CKAP5: variants seen among roughly 807,000 people sequenced by gnomAD.
CKAP5 encodes the protein cytoskeleton associated protein 5.
In CKAP5, 27 loss-of-function variants were observed where a neutral mutation model predicts 232.8. That is an observed-to-expected ratio of 0.12 (90% CI 0.09 to 0.16). The LOEUF (loss-of-function observed/expected upper bound fraction) is 0.16. Ranked by LOEUF, CKAP5 falls within the 10% of genes least tolerant of loss-of-function variation. CKAP5 has a pLI of 1.00. For missense variants in CKAP5, 1,838 were observed against 2,424.7 expected, an observed-to-expected ratio of 0.76 and a Z score of 5.08; for synonymous variants, 785 against 841.1, an observed-to-expected ratio of 0.93 and a Z score of 1.16.
Position 46,798,070 on chromosome 11 carries a change from G to T in CKAP5, c.1173+13C>A. ...ACTTCAGATAAAACTACAAACTCAT[G>T]CTGTCAACTTACAGTAAGGAAGATT... is the stretch of plus-strand genomic sequence containing the variant. On this transcript the variant is annotated intron_variant, in intron 10 of 43. Coordinates refer to ENST00000529230, the MANE Select transcript of CKAP5 (RefSeq NM_001008938.4). The T allele has an allele frequency of 6.2e-7, 1 of 1,611,418 alleles. No homozygotes were observed. Among genetic ancestry groups the T allele is most frequent in the Non-Finnish European group, 8.5e-7 (1 of 1,178,104 alleles).
chr11:46,802,158 CTAA>C (rs1359704148), intron 8 of CKAP5: 1 of 152,196 alleles, frequency 6.6e-6, no homozygotes, highest in African/African-American at 2.4e-5. Context: ...CTTCAGTCAT[CTAA>C]TAATGGTTAA....
intron 42 of CKAP5, among the ~76,000 whole-genome samples, chr11:46,748,674 C>G (rs2065039912): frequency 6.6e-6 from 1 of 151,938 alleles, no homozygotes; most frequent in African/African-American, 2.4e-5. Context: ...GAGGCTGAGG[C>G]AGGAGAATTG....
intron 5 of CKAP5, 117 bp downstream of exon 5, chr11:46,810,890 T>C (rs890395625): frequency 1.1e-5 from 11 of 980,716 alleles, no homozygotes; most frequent in Non-Finnish European, 1.4e-5. Flanking sequence ...GAAAAGCTGA[T>C]TTCAAAATTA....
At chr11:46,763,387 C>A in intron 29 of CKAP5, 94 bp downstream of exon 29, 1 of 1,175,218 alleles carries the variant, frequency 8.5e-7, no homozygotes, top group South Asian at 1.5e-5. Context: ...ATAGTATATT[C>A]TACTTCCAAG....
At chr11:46,796,096 C>T (rs1363151648) in intron 12 of CKAP5, among the ~76,000 whole-genome samples, 1 of 143,298 alleles carries the variant, frequency 7.0e-6, no homozygotes, top group Non-Finnish European at 1.5e-5. Context: ...ACTCAGAAGG[C>T]AGAGGTTGCA....
chr11:46,821,909 C>G (rs1939543282), intron 1 of CKAP5, among the ~76,000 whole-genome samples: 1 of 151,872 alleles, frequency 6.6e-6, no homozygotes, highest in African/African-American at 2.4e-5. Flanking sequence ...TGTGGTGGTG[C>G]AGGCCTGTAG....
intron 9 of CKAP5, 26 bp from the exon 10 acceptor site, chr11:46,798,198 T>C: frequency 6.8e-7 from 1 of 1,460,848 alleles, no homozygotes. Context: ...GCTAGCACAT[T>C]ATTCAGCAAC....
At chr11:46,801,428 G>C (rs1315174602) in intron 8 of CKAP5, 124 bp from the exon 9 acceptor site, 4 of 654,438 alleles carry the variant, frequency 6.1e-6, no homozygotes, top group Non-Finnish European at 1.1e-5. Context: ...CCAGCACTTT[G>C]GGAGGCCAAG....
chr11:46,834,924 G>A (rs1179990121), intron 1 of CKAP5, among the ~76,000 whole-genome samples: 1 of 151,280 alleles, frequency 6.6e-6, no homozygotes, highest in Non-Finnish European at 1.5e-5. Flanking sequence ...TCCCACCTCT[G>A]CCTCCCAAGT....
intron 15 of CKAP5, among the ~76,000 whole-genome samples, chr11:46,789,435 T>G (rs1373902351): frequency 6.6e-6 from 1 of 152,018 alleles, no homozygotes; most frequent in Non-Finnish European, 1.5e-5. Context: ...GGATGAGGGG[T>G]GGTTTAAGTA....
At chr11:46,813,433 A>T (rs1003763198) in intron 4 of CKAP5, among the ~76,000 whole-genome samples, 2 of 152,178 alleles carry the variant, frequency 1.3e-5, no homozygotes, top group Non-Finnish European at 2.9e-5. Flanking sequence ...GAGCAAGTCC[A>T]CATGGAAAAT....
Position 46,767,677 on chromosome 11 carries a change from A to T in CKAP5, c.3323-14T>A, listed in dbSNP as rs1565725094. ...CTTCAGCAGGTGCTTTGAGGAAAAA[A>T]ATATATATATACTATAAACTTTAAC... On this transcript the variant is annotated splice_polypyrimidine_tract_variant and intron_variant, in intron 26 of 43. Coordinates refer to ENST00000529230, the MANE Select transcript of CKAP5 (RefSeq NM_001008938.4). 2 of 1,524,392 alleles carry T rather than the reference A, an allele frequency of 1.3e-6. No homozygotes were observed. The highest frequency in any genetic ancestry group is 1.4e-5 in the African/African-American group (1 of 72,778). 94.4% of individuals were successfully genotyped at this position (1,524,392 alleles called of 1,614,324 possible).
At chr11:46,824,171 A>G (rs898416257) in intron 1 of CKAP5, among the ~76,000 whole-genome samples, 5 of 152,210 alleles carry the variant, frequency 3.3e-5, no homozygotes, top group African/African-American at 4.8e-5. Context: ...GTTCCCTCCC[A>G]TGGCAAAGAA....
At chr11:46,770,733 T>C (rs538732689) in intron 25 of CKAP5, 55 bp downstream of exon 25, 3 of 1,534,056 alleles carry the variant, frequency 2.0e-6, no homozygotes, top group African/African-American at 2.7e-5. Context: ...CAGGCCCATG[T>C]TAAATATATT....
intron 1 of CKAP5, among the ~76,000 whole-genome samples, chr11:46,845,938 C>G (rs1940179167): frequency 6.6e-6 from 1 of 151,518 alleles, no homozygotes. Flanking sequence ...GCACCGCCCG[C>G]GCCCCGCGGA....
chr11:46,824,245 G>C (rs1296653652), intron 1 of CKAP5, among the ~76,000 whole-genome samples: 6 of 152,180 alleles, frequency 3.9e-5, no homozygotes, highest in Non-Finnish European at 7.3e-5. Context: ...CTTTCATTAA[G>C]ATTTTTCTTC....
At chr11:46,778,742 C>T (rs1461206244) in intron 20 of CKAP5, 143 bp from the exon 21 acceptor site, 3 of 662,028 alleles carry the variant, frequency 4.5e-6, no homozygotes, top group Non-Finnish European at 7.8e-6. Context: ...ACCTAGATTA[C>T]AATTTTGAGA....
rs1298039187 is a variant in CKAP5, at chr11:46,780,287, G to A, written c.2340C>T (p.Gly780=). 3.1e-6 allele frequency: 5 copies of A among 1,613,912 alleles called. No individual in the cohort carries two copies. The highest frequency in any genetic ancestry group is 4.2e-6 in the Non-Finnish European group (5 of 1,179,976). The change falls in exon 20 of 44, where the codon GGC becomes GGT. Residue 780 remains glycine, a synonymous_variant. Transcript: ENST00000529230. ...AGGGACCAACATACAGATACATCAC[G>A]CCAAGCAGGGTTATGGCAGCAGTCC... ...AVRTAAITLL[G]VMYLYVGPSL... is the part of the protein sequence containing the mutation.
intron 1 of CKAP5, among the ~76,000 whole-genome samples, chr11:46,824,578 C>T (rs1311220481): frequency 6.6e-6 from 1 of 152,138 alleles, no homozygotes; most frequent in East Asian, 1.9e-4. Flanking sequence ...CCCCTACCAC[C>T]CCCACCAACT....
Sources: gnomAD v4.1 joint callset for allele counts (sites outside exome capture counted in the v4.1 genomes callset) on GRCh38, gnomAD v4.1.1 for gene constraint, MANE v1.5 for transcripts, NCBI Gene and HGNC (gene_info 2026-07-23, HGNC 2026-07-21) for gene names.